The following RYR3 variants were observed in gnomAD, a reference collection of about 807,000 sequenced individuals.
The protein encoded by RYR3 is brain ryanodine receptor-calcium release channel.
Under a neutral mutation model 584.3 loss-of-function variants are expected in RYR3, and 207 were observed. That is an observed-to-expected ratio of 0.35 (90% CI 0.32 to 0.40). The LOEUF (loss-of-function observed/expected upper bound fraction) is 0.40. RYR3 is among the 10% of genes least tolerant of loss of function. The probability of loss-of-function intolerance (pLI) is 1.00; values close to 1 mark genes in which losing one functional copy is unlikely to be tolerated. For synonymous variants in RYR3, 2,416 were observed against 2,248.5 expected, an observed-to-expected ratio of 1.07 and a Z score of -2.11; for missense variants, 5,616 against 6,089.2, an observed-to-expected ratio of 0.92 and a Z score of 2.59.
At chr15:33,480,441 C>T (rs76167161) in intron 2 of RYR3, among the ~76,000 whole-genome samples, 3,350 of 152,304 alleles carry the variant, frequency 0.022, 114 homozygotes, top group African/African-American at 0.075. Context: ...TTAGTATCAG[C>T]ACAGGGTCAT....
chr15:33,832,183 A>G (rs567477332), intron 86 of RYR3, among the ~76,000 whole-genome samples: 1 of 151,734 alleles, frequency 6.6e-6, no homozygotes, highest in South Asian at 2.1e-4. Flanking sequence ...AGTACCCGCT[A>G]CTCGGGAGCC....
At chr15:33,348,707 C>T (rs1373983868) in intron 1 of RYR3, among the ~76,000 whole-genome samples, 1 of 151,988 alleles carries the variant, frequency 6.6e-6, no homozygotes, top group Non-Finnish European at 1.5e-5. Context: ...AACTCCTGAC[C>T]ACAAGTGATC....
At chr15:33,679,190 TA>T (rs1196330098) in intron 38 of RYR3, among the ~76,000 whole-genome samples, 8 of 119,322 alleles carry the variant, frequency 6.7e-5, no homozygotes, top group African/African-American at 1.9e-4. Flanking sequence ...CTACTAAATC[TA>T]GAGGGTGTTA....
At chr15:33,700,929 AGT>A (rs776593757) in intron 41 of RYR3, 46 bp from the exon 42 acceptor site, 1 of 1,380,812 alleles carries the variant, frequency 7.2e-7, no homozygotes, top group South Asian at 1.2e-5. Context: ...CTCAGCACTG[AGT>A]GTCTTCCTCT....
At chr15:33,570,990 A>C (rs1324784437) in intron 12 of RYR3, among the ~76,000 whole-genome samples, 1 of 152,192 alleles carries the variant, frequency 6.6e-6, no homozygotes, top group South Asian at 2.1e-4. Flanking sequence ...AACTTTTTAC[A>C]TACAGGATTA....
At chr15:33,486,832 G>T (rs1037867637) in intron 2 of RYR3, among the ~76,000 whole-genome samples, 1 of 152,162 alleles carries the variant, frequency 6.6e-6, no homozygotes, top group South Asian at 2.1e-4. Flanking sequence ...CCCAAGAGAA[G>T]CAGGGTCCTT....
chr15:33,662,229 G>T lies in RYR3; in HGVS notation c.4699G>T (p.Ala1567Ser). 1 of 1,609,126 alleles carries T rather than the reference G, an allele frequency of 6.2e-7. No homozygotes were observed. The highest frequency in any genetic ancestry group is 8.5e-7 in the Non-Finnish European group (1 of 1,178,072). ...TTACCACACGCTGAGGCTCTACAGC[G>T]CGGTGTGCGCCCTGGGAAACAGCCG... ...FHYHTLRLYS[A>S]VCALGNSRVA... The change falls in exon 35 of 104, where the codon GCG (alanine) becomes TCG (serine). Residue 1567 changes from alanine (A) to serine (S), a missense_variant. By Grantham distance (99) the Ala-to-Ser change is moderately conservative (BLOSUM62 1). Around this residue, in one of 9 missense-constraint regions of RYR3, gnomAD observed 753 missense variants for 741.0 expected, o/e 1.02. Coordinates refer to ENST00000634891, the MANE Select transcript of RYR3 (RefSeq NM_001036.6).
chr15:33,662,269 TGTGCAGCCAC>T lies in RYR3; in HGVS notation c.4743_4752del (p.Cys1581TrpfsTer40). Reference sequence around the variant, plus strand: ...GGAAACAGCCGCGTGGCCTACGCCCTGTGCAGCCACGTGGACCTCTCCCAGCTCTTCTATG... The same window carrying T: ...GGAAACAGCCGCGTGGCCTACGCCCTGTGGACCTCTCCCAGCTCTTCTATG... On this transcript the variant is annotated frameshift_variant, in exon 35 of 104. Transcript: ENST00000634891. LOFTEE classifies it high-confidence loss of function. 6.2e-7 allele frequency: 1 copy of T among 1,610,604 alleles called. No homozygotes were observed. The highest frequency in any genetic ancestry group is 8.5e-7 in the Non-Finnish European group (1 of 1,178,598).
intron 67 of RYR3, among the ~76,000 whole-genome samples, chr15:33,799,860 T>C (rs920774812): frequency 6.6e-6 from 1 of 152,042 alleles, no homozygotes; most frequent in Non-Finnish European, 1.5e-5. Context: ...GTCTGAAGAG[T>C]TGAAGAATTG....
At chr15:33,510,657 A>G (rs1256973529) in intron 3 of RYR3, among the ~76,000 whole-genome samples, 2 of 151,354 alleles carry the variant, frequency 1.3e-5, no homozygotes, top group Non-Finnish European at 2.9e-5. Flanking sequence ...TAGGGGACAT[A>G]TCATGTATAT....
intron 2 of RYR3, among the ~76,000 whole-genome samples, chr15:33,488,774 C>A (rs1223500234): frequency 2.0e-5 from 3 of 152,106 alleles, no homozygotes; most frequent in Admixed American, 2.0e-4. Context: ...TCGCTTGAAC[C>A]CAGGAGGCGG....
At chr15:33,826,885 CTA>C in intron 84 of RYR3, 133 bp downstream of exon 84, 3 of 701,864 alleles carry the variant, frequency 4.3e-6, no homozygotes, top group Middle Eastern at 2.7e-4. Context: ...CAATAAGAAA[CTA>C]TGTAAATATC....
chr15:33,407,647 T>C (rs17236035), intron 1 of RYR3, among the ~76,000 whole-genome samples: 7,985 of 152,254 alleles, frequency 0.052, 297 homozygotes, highest in Non-Finnish European at 0.077. Context: ...AGCTTTGATT[T>C]TGTGTCATTG....
At chr15:33,473,822 C>G (rs183173655) in intron 2 of RYR3, among the ~76,000 whole-genome samples, 7 of 152,138 alleles carry the variant, frequency 4.6e-5, no homozygotes. Context: ...CCGAGGAGGT[C>G]TTAATACTCC....
intron 2 of RYR3, among the ~76,000 whole-genome samples, chr15:33,476,551 G>T (rs992944731): frequency 1.3e-5 from 2 of 152,088 alleles, no homozygotes; most frequent in Non-Finnish European, 2.9e-5. Flanking sequence ...TCTGTTTTGG[G>T]TTTTTTCTTT....
At chr15:33,476,292 A>G (rs1454424832) in intron 2 of RYR3, among the ~76,000 whole-genome samples, 1 of 152,228 alleles carries the variant, frequency 6.6e-6, no homozygotes, top group Non-Finnish European at 1.5e-5. Flanking sequence ...TAAGTCATAC[A>G]CTCATAGATG....
In RYR3 at chr15:33,379,984, A is replaced by G. The variant is rs549115115; in HGVS notation, c.51+68888A>G. 2.6e-5 allele frequency among the ~76,000 whole-genome samples: 4 copies of G among 152,210 alleles called. No individual in the cohort carries two copies. The East Asian group carries it at 7.7e-4, about 29-fold the overall frequency. ...GAAGGAAGCAGCCAGCATTAGAGAA[A>G]GAAGGAAACCAGAAGATTCAGCAAG... On this transcript the variant is annotated intron_variant, in intron 1 of 103. Coordinates refer to ENST00000634891, the MANE Select transcript of RYR3 (RefSeq NM_001036.6).
At chr15:33,591,882 A>G (rs889645932) in intron 16 of RYR3, among the ~76,000 whole-genome samples, 1 of 152,240 alleles carries the variant, frequency 6.6e-6, no homozygotes, top group Admixed American at 6.5e-5. Context: ...CAGAAAAAAT[A>G]TAGTTAGCAT....
chr15:33,651,427 C>T (rs972284850), intron 31 of RYR3, among the ~76,000 whole-genome samples: 1 of 152,194 alleles, frequency 6.6e-6, no homozygotes, highest in Non-Finnish European at 1.5e-5. Context: ...TTGCACTGGC[C>T]CCTGCCTGAG....
Sources: allele counts gnomAD v4.1 joint callset (sites outside exome capture counted in the v4.1 genomes callset), GRCh38; gene constraint gnomAD v4.1.1; regional missense constraint gnomAD v4.1.1; transcripts MANE v1.5; gene names NCBI Gene and HGNC (gene_info 2026-07-23, HGNC 2026-07-21).